Variants in PLCXD3 observed in about 807,000 individuals in gnomAD.
The protein encoded by PLCXD3 is PI-PLC X domain-containing protein 3.
In PLCXD3, 19 loss-of-function variants were observed where a neutral mutation model predicts 25.5. The observed-to-expected ratio is 0.75, with a 90% CI of 0.52 to 1.09. The LOEUF (loss-of-function observed/expected upper bound fraction) is 1.09, where lower values mean the gene tolerates loss of function less well. Ranked by LOEUF, PLCXD3 falls within the 50% of genes least tolerant of loss-of-function variation. The pLI is 0.00. For synonymous variants in PLCXD3, 174 were observed against 137.6 expected (o/e 1.26, Z -1.85); for missense variants, 411 against 388.1 (o/e 1.06, Z -0.50).
At chr5:41,487,035 A>C (rs1229044308) in intron 1 of PLCXD3, among the ~76,000 whole-genome samples, 2 of 134,290 alleles carry the variant, frequency 1.5e-5, no homozygotes, top group East Asian at 3.9e-4. Flanking sequence ...GTTAAAAATA[A>C]CATACTTTTT....
At chr5:41,482,718 T>G (rs1748439030) in intron 1 of PLCXD3, among the ~76,000 whole-genome samples, 1 of 152,164 alleles carries the variant, frequency 6.6e-6, no homozygotes, top group South Asian at 2.1e-4. Flanking sequence ...GCAAAAGGTG[T>G]TTATGTCAAA....
In PLCXD3 at chr5:41,307,325, C is replaced by T. The variant is rs1367971851; in HGVS notation, c.*6292G>A. On this transcript the variant is annotated 3_prime_UTR_variant, in exon 3 of 3. Coordinates refer to ENST00000377801, the MANE Select transcript of PLCXD3 (RefSeq NM_001005473.3). ...GGAATTTCAGGAGAGGAGGTAGCTA[C>T]TGAAAATGTTTCAAAATTCCATCTG... 2 of 152,552 alleles carry T rather than the reference C, an allele frequency of 1.3e-5. No homozygotes were observed. Among genetic ancestry groups the T allele is most frequent in the Non-Finnish European group, 2.9e-5 (2 of 68,022 alleles). The allele number at this position is 152,552 out of a possible 1,614,324, so 9.4% of individuals were successfully genotyped here.
At chr5:41,373,345 G>A (rs990623262) in intron 2 of PLCXD3, among the ~76,000 whole-genome samples, 2 of 152,078 alleles carry the variant, frequency 1.3e-5, no homozygotes, top group Non-Finnish European at 2.9e-5. Context: ...TAATTTTAAT[G>A]CATTTAAATG....
chr5:41,444,433 C>T (rs1747451031), intron 1 of PLCXD3, among the ~76,000 whole-genome samples: 1 of 152,142 alleles, frequency 6.6e-6, no homozygotes, highest in South Asian at 2.1e-4. Flanking sequence ...TAGCATCAGC[C>T]AACATCTTCT....
At chr5:41,368,745 A>G (rs1403278133) in intron 2 of PLCXD3, among the ~76,000 whole-genome samples, 1 of 152,136 alleles carries the variant, frequency 6.6e-6, no homozygotes, top group African/African-American at 2.4e-5. Context: ...TTTTATCATG[A>G]AGGGATGTTG....
At chr5:41,389,103 T>C (rs940806556) in intron 1 of PLCXD3, among the ~76,000 whole-genome samples, 65 of 152,130 alleles carry the variant, frequency 4.3e-4, no homozygotes, top group African/African-American at 1.5e-3. Context: ...ACTGGAATGA[T>C]TAGACTGGAG....
At chr5:41,472,165 A>G (rs1029712896) in intron 1 of PLCXD3, among the ~76,000 whole-genome samples, 1 of 151,888 alleles carries the variant, frequency 6.6e-6, no homozygotes, top group Non-Finnish European at 1.5e-5. Flanking sequence ...ATTTAAAGCT[A>G]CAAATGGAAT....
At position 41,312,386 on chromosome 5, in the gene PLCXD3, A is replaced by G. The variant is rs1362228885; in HGVS notation, c.*1231T>C. 6.6e-6 allele frequency: 1 copy of G among 152,242 alleles called. No homozygotes were observed. The highest frequency in any genetic ancestry group is 2.4e-5 in the African/African-American group (1 of 41,450). The allele number at this position is 152,242 out of a possible 1,614,324, so 9.4% of individuals were successfully genotyped here. A position where few individuals can be genotyped will look rare whatever the true frequency, so the allele number is the denominator to read the frequency against. On this transcript the variant is annotated 3_prime_UTR_variant, in exon 3 of 3. Coordinates refer to ENST00000377801, the MANE Select transcript of PLCXD3 (RefSeq NM_001005473.3). ...ATTTCATGGACATAATTTCAAACAC[A>G]TTGCTCTAACTGCTTCTACCAGCCT...
intron 1 of PLCXD3, among the ~76,000 whole-genome samples, chr5:41,462,236 C>T (rs1248570386): frequency 6.6e-6 from 1 of 152,018 alleles, no homozygotes; most frequent in Non-Finnish European, 1.5e-5. Flanking sequence ...GCAATTCAGC[C>T]TAAAAACATA....
rs560727308 is a variant in PLCXD3 at position 41,506,359 on chromosome 5, C to G, written c.103+4065G>C. The stretch of plus-strand genomic sequence containing the variant: ...AGATACTGTTCAATTTTTCCTTGTT[C>G]GCAAAACCAAAAACAAAACTGAGAA... On this transcript the variant is annotated intron_variant, in intron 1 of 2. Coordinates refer to ENST00000377801, the MANE Select transcript of PLCXD3 (RefSeq NM_001005473.3). Among the ~76,000 whole-genome samples the G allele has an allele frequency of 3.9e-5, 6 of 152,238 alleles. No individual in the cohort carries two copies. The East Asian group carries it at 1.2e-3, about 29-fold the overall frequency.
intron 1 of PLCXD3, among the ~76,000 whole-genome samples, chr5:41,497,906 C>T (rs761168743): frequency 4.0e-5 from 6 of 151,646 alleles, no homozygotes; most frequent in Non-Finnish European, 7.4e-5. Flanking sequence ...GGAAAACTCA[C>T]AAATGTGTGG....
intron 2 of PLCXD3, among the ~76,000 whole-genome samples, chr5:41,315,030 C>T (rs914326779): frequency 6.6e-6 from 1 of 152,114 alleles, no homozygotes; most frequent in Non-Finnish European, 1.5e-5. Context: ...GAGGATGATG[C>T]AATGCACTTT....
intron 1 of PLCXD3, among the ~76,000 whole-genome samples, chr5:41,407,095 T>C (rs1272141297): frequency 6.6e-6 from 1 of 152,168 alleles, no homozygotes; most frequent in East Asian, 1.9e-4. Context: ...CATTCCCTGT[T>C]GCCTTATATC....
chr5:41,407,029 T>G lies in PLCXD3; in HGVS notation c.104-24495A>C, dbSNP rs1310142065. On this transcript the variant is annotated intron_variant, in intron 1 of 2. Transcript: ENST00000377801. ...CTGGAGCCTGGTCATCTGCTGAGTC[T>G]GCCTGCCTGCCAGTATTTTTTTCAT... Among the ~76,000 whole-genome samples, 3 of 152,222 alleles carry G rather than the reference T, an allele frequency of 2.0e-5. No homozygotes were observed. The East Asian group carries it at 5.8e-4, about 29-fold the overall frequency.
chr5:41,439,058 C>T (rs1329875148), intron 1 of PLCXD3, among the ~76,000 whole-genome samples: 1 of 152,174 alleles, frequency 6.6e-6, no homozygotes, highest in Admixed American at 6.5e-5. Context: ...TCGTAGTTTA[C>T]GGTGGAGCTC....
chr5:41,333,971 T>G (rs1743908294), intron 2 of PLCXD3, among the ~76,000 whole-genome samples: 1 of 152,188 alleles, frequency 6.6e-6, no homozygotes, highest in Admixed American at 6.6e-5. Flanking sequence ...TATAGCTTGA[T>G]AAAGACATCC....
intron 2 of PLCXD3, among the ~76,000 whole-genome samples, chr5:41,359,529 C>G (rs1744716292): frequency 6.6e-6 from 1 of 152,050 alleles, no homozygotes; most frequent in South Asian, 2.1e-4. Context: ...TCATAGTAAC[C>G]TTAAATAATC....
At position 41,510,459 on chromosome 5, in the gene PLCXD3, A is replaced by G; in HGVS notation, c.68T>C (p.Met23Thr). ...TAAATTGGTGAGGGGGATGCTGTGC[A>G]TGCTCTCCGGCAGAGTTGCCATCCA... is the stretch of plus-strand genomic sequence containing the variant. ...ADWMATLPESMHSIPLTNLAI... is the reference protein window; with the variant it reads ...ADWMATLPESTHSIPLTNLAI... Residue 23 changes from methionine (M) to threonine (T), a missense_variant, in exon 1 of 3, where the codon ATG (methionine) becomes ACG (threonine). Transcript: ENST00000377801. 1.2e-6 allele frequency: 2 copies of G among 1,611,354 alleles called. No individual in the cohort carries two copies. The highest frequency in any genetic ancestry group is 1.7e-6 in the Non-Finnish European group (2 of 1,178,742).
At chr5:41,338,690 T>C (rs1744051596) in intron 2 of PLCXD3, among the ~76,000 whole-genome samples, 1 of 152,118 alleles carries the variant, frequency 6.6e-6, no homozygotes, top group South Asian at 2.1e-4. Flanking sequence ...ACAAGTCTAT[T>C]CCTCTTCAAC....
Sources: gnomAD v4.1 joint callset for allele counts (sites outside exome capture counted in the v4.1 genomes callset) on GRCh38, gnomAD v4.1.1 for gene constraint, MANE v1.5 for transcripts, NCBI Gene and HGNC (gene_info 2026-07-23, HGNC 2026-07-21) for gene names.